KPNA4: variants seen among roughly 807,000 people sequenced by gnomAD.
The protein encoded by KPNA4 is karyopherin subunit alpha 4.
Under a neutral mutation model 71.3 loss-of-function variants are expected in KPNA4, and 13 were observed. The observed-to-expected ratio is 0.18, with a 90% CI of 0.12 to 0.29. KPNA4 has a LOEUF of 0.29. KPNA4 is among the 10% of genes least tolerant of loss of function. KPNA4 has a pLI of 1.00. For missense variants in KPNA4, 334 were observed against 603.2 expected, an observed-to-expected ratio of 0.55 and a Z score of 4.67; for synonymous variants, 189 against 195.2, an observed-to-expected ratio of 0.97 and a Z score of 0.26.
At chr3:160,538,776 A>AAC (rs1162571592) in intron 1 of KPNA4, among the ~76,000 whole-genome samples, 1 of 152,078 alleles carries the variant, frequency 6.6e-6, no homozygotes, top group Non-Finnish European at 1.5e-5. Context: ...CTATTTCTCG[A>AAC]ACACACTGTA....
chr3:160,520,592 G>A (rs1346901436), intron 11 of KPNA4, among the ~76,000 whole-genome samples: 1 of 149,900 alleles, frequency 6.7e-6, no homozygotes, highest in African/African-American at 2.4e-5. Context: ...ATTTAGCTAA[G>A]TGTTCCTTCT....
At chr3:160,508,330 C>T (rs1721027146) in intron 14 of KPNA4, 61 bp from the exon 15 acceptor site, 1 of 1,226,730 alleles carries the variant, frequency 8.2e-7, no homozygotes, top group African/African-American at 1.5e-5. Flanking sequence ...GCCATGTTAT[C>T]TCACTGGAAT....
At chr3:160,503,431 A>G (rs1217964031) in intron 16 of KPNA4, among the ~76,000 whole-genome samples, 5 of 152,192 alleles carry the variant, frequency 3.3e-5, no homozygotes, top group African/African-American at 1.2e-4. Context: ...TAATTCAAAT[A>G]TTCTAAAATT....
At chr3:160,541,647 GCGCACACA>G (rs1274550231) in intron 1 of KPNA4, among the ~76,000 whole-genome samples, 1 of 111,402 alleles carries the variant, frequency 9.0e-6, no homozygotes, top group Non-Finnish European at 1.8e-5. Flanking sequence ...AGTTATATAC[GCGCACACA>G]CACACACACA....
rs1405034160 is a variant in KPNA4 at position 160,499,328 on chromosome 3, A to T, written c.*2776T>A. The T allele has an allele frequency of 6.6e-6, 1 of 152,164 alleles. No homozygotes were observed. Among genetic ancestry groups the T allele is most frequent in the African/African-American group, 2.4e-5 (1 of 41,442 alleles). 9.4% of individuals were successfully genotyped at this position (152,164 alleles called of 1,614,324 possible). On this transcript the variant is annotated 3_prime_UTR_variant, in exon 17 of 17. Transcript: ENST00000334256. ...CCCCTAATATAACATTCTTATTTTT[A>T]CAGCACTTGAGGTGGTCTCAATGTT... is the stretch of plus-strand genomic sequence containing the variant.
chr3:160,517,593 G>A (rs1023205530), intron 11 of KPNA4, among the ~76,000 whole-genome samples: 20 of 151,976 alleles, frequency 1.3e-4, no homozygotes, highest in African/African-American at 4.8e-4. Context: ...CAGTATATAC[G>A]AATTCCAGTT....
At chr3:160,523,375 G>C (rs1463773132) in intron 10 of KPNA4, among the ~76,000 whole-genome samples, 4 of 151,798 alleles carry the variant, frequency 2.6e-5, no homozygotes, top group African/African-American at 9.7e-5. Flanking sequence ...TAAAAAAATC[G>C]TAAAACTGTA....
chr3:160,541,649 GCACACA>G (rs60806533), intron 1 of KPNA4, among the ~76,000 whole-genome samples: 101 of 146,748 alleles, frequency 6.9e-4, no homozygotes, highest in South Asian at 1.7e-3. Context: ...TTATATACGC[GCACACA>G]CACACACACA....
intron 1 of KPNA4, among the ~76,000 whole-genome samples, chr3:160,540,675 A>G (rs1292767118): frequency 6.6e-6 from 1 of 152,236 alleles, no homozygotes; most frequent in African/African-American, 2.4e-5. Context: ...TGTATACTAC[A>G]TGAAAATATA....
chr3:160,539,768 T>C (rs970065652), intron 1 of KPNA4, among the ~76,000 whole-genome samples: 3 of 152,182 alleles, frequency 2.0e-5, no homozygotes, highest in Non-Finnish European at 4.4e-5. Context: ...GGACTGGGTA[T>C]TTCCAGTCTA....
intron 11 of KPNA4, 81 bp from the exon 12 acceptor site, chr3:160,515,661 G>A: frequency 1.4e-6 from 2 of 1,479,724 alleles, no homozygotes; most frequent in Non-Finnish European, 1.8e-6. Context: ...GTCGCCCAGG[G>A]TAGAGTGCAG....
At chr3:160,516,957 T>C (rs1264229212) in intron 11 of KPNA4, among the ~76,000 whole-genome samples, 3 of 152,054 alleles carry the variant, frequency 2.0e-5, no homozygotes, top group Non-Finnish European at 4.4e-5. Context: ...GATCCAAATT[T>C]TTTAAAAAAT....
chr3:160,565,048 A>C (rs1722316990), intron 1 of KPNA4, among the ~76,000 whole-genome samples, 166 bp downstream of exon 1: 1 of 150,938 alleles, frequency 6.6e-6, no homozygotes, highest in Non-Finnish European at 1.5e-5. Flanking sequence ...GGCCCGACAT[A>C]AACTTCCCGG....
chr3:160,535,463 A>T, intron 5 of KPNA4, 50 bp downstream of exon 5: 3 of 1,375,294 alleles, frequency 2.2e-6, no homozygotes, highest in Non-Finnish European at 3.0e-6. Context: ...TCAAAATAGA[A>T]CCCCTGTGTA....
chr3:160,545,781 T>C (rs1404539809), intron 1 of KPNA4, among the ~76,000 whole-genome samples: 3 of 152,210 alleles, frequency 2.0e-5, no homozygotes, highest in Non-Finnish European at 2.9e-5. Context: ...ACCAGAGTGG[T>C]CGCAGTGGGG....
At chr3:160,524,275 T>A (rs1423370412) in intron 10 of KPNA4, among the ~76,000 whole-genome samples, 1 of 152,192 alleles carries the variant, frequency 6.6e-6, no homozygotes, top group Admixed American at 6.5e-5. Context: ...TCAACCAAGA[T>A]GTCTTGTTTT....
At chr3:160,560,977 T>C (rs771663756) in intron 1 of KPNA4, among the ~76,000 whole-genome samples, 2 of 151,888 alleles carry the variant, frequency 1.3e-5, no homozygotes, top group Non-Finnish European at 3.0e-5. Context: ...TTTCACTCTG[T>C]ACACTTTAAC....
chr3:160,512,056 T>G (rs1175342603), intron 13 of KPNA4, among the ~76,000 whole-genome samples: 1 of 152,192 alleles, frequency 6.6e-6, no homozygotes, highest in Non-Finnish European at 1.5e-5. Flanking sequence ...ATCTTTCACT[T>G]TCTACAATGC....
At chr3:160,540,052 T>C (rs2108555394) in intron 1 of KPNA4, among the ~76,000 whole-genome samples, 1 of 145,956 alleles carries the variant, frequency 6.9e-6, no homozygotes, top group East Asian at 2.0e-4. Flanking sequence ...CAGGCTGGAG[T>C]ACAGTAACGG....
Sources: gnomAD v4.1 joint callset for allele counts (sites outside exome capture counted in the v4.1 genomes callset) on GRCh38, gnomAD v4.1.1 for gene constraint, MANE v1.5 for transcripts, NCBI Gene and HGNC (gene_info 2026-07-23, HGNC 2026-07-21) for gene names.